SLCO1B3: variants seen among roughly 807,000 people sequenced by gnomAD.
SLCO1B3 encodes the protein liver-specific organic anion transporter 2.
A neutral mutation model predicts 71.8 loss-of-function variants in SLCO1B3; 72 were observed. The ratio of observed to expected loss-of-function variants is 1.00; its 90% CI spans 0.83 to 1.22. The LOEUF (loss-of-function observed/expected upper bound fraction) is 1.22. Among genes scored for constraint, SLCO1B3 ranks in the 50% most tolerant of loss-of-function variants. The probability of loss-of-function intolerance (pLI) is 0.00; values close to 1 mark genes in which losing one functional copy is unlikely to be tolerated. For synonymous variants in SLCO1B3, 298 were observed against 278.4 expected (o/e 1.07, Z -0.70); for missense variants, 911 against 819.7 (o/e 1.11, Z -1.36).
At chr12:20,854,092 T>C (rs1373244053) in intron 3 of SLCO1B3, among the ~76,000 whole-genome samples, 1 of 152,158 alleles carries the variant, frequency 6.6e-6, no homozygotes, top group African/African-American at 2.4e-5. Flanking sequence ...TTACAACATT[T>C]TTAATTTGTT....
intron 6 of SLCO1B3, 46 bp from the exon 7 acceptor site, chr12:20,862,366 A>T: frequency 1.3e-6 from 2 of 1,530,426 alleles, no homozygotes; most frequent in South Asian, 1.3e-5. Flanking sequence ...TCTAATAGGA[A>T]TGTTAAAATT....
chr12:20,854,144 G>A (rs1029308219), intron 3 of SLCO1B3, among the ~76,000 whole-genome samples: 3 of 151,996 alleles, frequency 2.0e-5, no homozygotes, highest in African/African-American at 7.3e-5. Context: ...CTTGGAGAAT[G>A]TTCCATTTCT....
chr12:20,865,766 AT>A (rs1296200066), intron 8 of SLCO1B3, among the ~76,000 whole-genome samples: 3 of 152,160 alleles, frequency 2.0e-5, no homozygotes, highest in African/African-American at 7.2e-5. Flanking sequence ...ACAATAAAAT[AT>A]GCACAAATCT....
chr12:20,812,152 C>A (rs925470198), intron 1 of SLCO1B3, among the ~76,000 whole-genome samples: 2 of 152,010 alleles, frequency 1.3e-5, no homozygotes, highest in African/African-American at 4.8e-5. Flanking sequence ...GGTGATCTGC[C>A]CGCCTCGGCC....
At chr12:20,849,224 A>G (rs1864974555) in intron 3 of SLCO1B3, among the ~76,000 whole-genome samples, 2 of 152,098 alleles carry the variant, frequency 1.3e-5, no homozygotes, top group African/African-American at 2.4e-5. Context: ...GTACACCATA[A>G]CAAAAATGGA....
intron 8 of SLCO1B3, among the ~76,000 whole-genome samples, chr12:20,870,515 T>C (rs1865456307): frequency 2.0e-5 from 3 of 152,204 alleles, no homozygotes; most frequent in Non-Finnish European, 1.5e-5. Flanking sequence ...TTTCAGTATA[T>C]ATATGATAAG....
At chr12:20,829,829 C>T (rs188780078) in intron 3 of SLCO1B3, among the ~76,000 whole-genome samples, 11 of 152,174 alleles carry the variant, frequency 7.2e-5, no homozygotes, top group African/African-American at 2.4e-4. Flanking sequence ...CTTTGTAGAC[C>T]GTATAGGGTA....
At chr12:20,821,868 C>T (rs575442477) in intron 3 of SLCO1B3, among the ~76,000 whole-genome samples, 4 of 152,258 alleles carry the variant, frequency 2.6e-5, no homozygotes, top group East Asian at 3.9e-4. Flanking sequence ...TGACCGGCAC[C>T]GGAGTTTTGG....
chr12:20,870,883 C>CT (rs1396113845), intron 8 of SLCO1B3, among the ~76,000 whole-genome samples: 1 of 151,968 alleles, frequency 6.6e-6, no homozygotes, highest in Admixed American at 6.6e-5. Context: ...TTTTTGAGGG[C>CT]TTTTATTATG....
At position 20,838,310 on chromosome 12, in the gene SLCO1B3, C is replaced by A. The variant is rs138280343; in HGVS notation, c.85-16718C>A. ...ATTATTGTTAGCATAGAATATTTTT[C>A]TCCATCCATTTACTTTTATTCTATA... On this transcript the variant is annotated intron_variant, in intron 3 of 15. Coordinates refer to ENST00000381545, the MANE Select transcript of SLCO1B3 (RefSeq NM_019844.4). Among the ~76,000 whole-genome samples, 331 of 151,880 alleles carry A rather than the reference C, an allele frequency of 2.2e-3. 3 individuals are homozygous for A. The Middle Eastern group carries it at 0.027, about 12-fold the overall frequency.
intron 13 of SLCO1B3, among the ~76,000 whole-genome samples, chr12:20,885,386 GAAC>G (rs1218776815): frequency 2.0e-5 from 3 of 152,110 alleles, no homozygotes; most frequent in Non-Finnish European, 4.4e-5. Context: ...ATGCAAATGT[GAAC>G]GAAAATGATA....
chr12:20,823,891 T>C (rs12820092), intron 3 of SLCO1B3, among the ~76,000 whole-genome samples: 15,510 of 152,264 alleles, frequency 0.1, 1,062 homozygotes, highest in Middle Eastern at 0.17. Flanking sequence ...GGGGCTTCTA[T>C]TGGCTCTGTA....
intron 3 of SLCO1B3, among the ~76,000 whole-genome samples, chr12:20,826,681 G>A (rs1415929698): frequency 1.3e-4 from 19 of 148,692 alleles, no homozygotes; most frequent in Non-Finnish European, 1.3e-4. Context: ...AGTCATTTTA[G>A]AAAAAAAAAA....
At chr12:20,900,223 C>G (rs1866099601) in intron 14 of SLCO1B3, among the ~76,000 whole-genome samples, 1 of 152,114 alleles carries the variant, frequency 6.6e-6, no homozygotes, top group African/African-American at 2.4e-5. Context: ...TGGCCTCAGA[C>G]AACATTCCCT....
chr12:20,824,229 C>A lies in SLCO1B3; in HGVS notation c.84+8407C>A, dbSNP rs551176179. 3.3e-5 allele frequency among the ~76,000 whole-genome samples: 5 copies of A among 152,214 alleles called. No individual in the cohort carries two copies. The South Asian group carries it at 1.0e-3, about 32-fold the overall frequency. ...CTTGACTCTGAAAAATAAAACCAAT[C>A]AGCAAATGTTTTAAACAAAATCTTA... On this transcript the variant is annotated intron_variant, in intron 3 of 15. Transcript: ENST00000381545.
intron 3 of SLCO1B3, among the ~76,000 whole-genome samples, chr12:20,848,721 A>G (rs979286705): frequency 6.6e-6 from 1 of 152,184 alleles, no homozygotes; most frequent in Non-Finnish European, 1.5e-5. Flanking sequence ...CTGTAAGCAA[A>G]GAAGCAAATC....
chr12:20,834,076 A>G (rs867815958), intron 3 of SLCO1B3, among the ~76,000 whole-genome samples: 4 of 146,142 alleles, frequency 2.7e-5, no homozygotes, highest in African/African-American at 9.9e-5. Context: ...ATATAAATAT[A>G]TATAAATATA....
At chr12:20,871,067 T>C (rs1318564911) in intron 8 of SLCO1B3, among the ~76,000 whole-genome samples, 2 of 152,216 alleles carry the variant, frequency 1.3e-5, no homozygotes, top group African/African-American at 2.4e-5. Context: ...CATTCTAATG[T>C]ATTGTTGAAT....
At chr12:20,853,215 G>A (rs1865058436) in intron 3 of SLCO1B3, among the ~76,000 whole-genome samples, 2 of 151,982 alleles carry the variant, frequency 1.3e-5, no homozygotes, top group African/African-American at 4.8e-5. Flanking sequence ...ATATTTTTCT[G>A]TAGTTTTCTT....
Sources: gnomAD v4.1 joint callset for allele counts (sites outside exome capture counted in the v4.1 genomes callset) on GRCh38, gnomAD v4.1.1 for gene constraint, MANE v1.5 for transcripts, NCBI Gene and HGNC (gene_info 2026-07-23, HGNC 2026-07-21) for gene names.